Variants in IL1RAP observed in about 807,000 individuals in gnomAD.
IL1RAP encodes interleukin-1 receptor accessory protein.
In IL1RAP, 35 loss-of-function variants were observed where a neutral mutation model predicts 60.7. That is an observed-to-expected ratio of 0.58 (90% CI 0.44 to 0.76). IL1RAP has a LOEUF of 0.76. Among genes scored for constraint, IL1RAP ranks in the 30% least tolerant of loss-of-function variants. The pLI is 0.00. For missense variants in IL1RAP, 572 were observed against 693.9 expected, an observed-to-expected ratio of 0.82 and a Z score of 1.97; for synonymous variants, 268 against 250.9, an observed-to-expected ratio of 1.07 and a Z score of -0.64.
intron 1 of IL1RAP, among the ~76,000 whole-genome samples, chr3:190,522,118 A>G (rs1382232865): frequency 1.3e-5 from 2 of 152,120 alleles, no homozygotes; most frequent in African/African-American, 2.4e-5. Context: ...TTTCCCAATT[A>G]CAGAGTGAGA....
At position 190,649,937 on chromosome 3, in the gene IL1RAP, C is replaced by T. The variant is rs558079607; in HGVS notation, c.*1232C>T. On this transcript the variant is annotated 3_prime_UTR_variant, in exon 12 of 12. Transcript: ENST00000447382. ...ATATCTATGTTACATGTAGATTATA[C>T]ATATATATACACACGTGTATATGAG... 1.5e-4 allele frequency: 128 copies of T among 847,156 alleles called. No individual in the cohort carries two copies. The African/African-American group carries it at 2.2e-3, about 15-fold the overall frequency. 52.5% of individuals were successfully genotyped at this position (847,156 alleles called of 1,614,324 possible).
chr3:190,622,138 G>T (rs1370133225), intron 6 of IL1RAP, among the ~76,000 whole-genome samples: 1 of 152,224 alleles, frequency 6.6e-6, no homozygotes, highest in African/African-American at 2.4e-5. Context: ...ACAGAGAGAA[G>T]AAACAACTGA....
At chr3:190,542,082 C>T (rs974136725) in intron 1 of IL1RAP, among the ~76,000 whole-genome samples, 1 of 151,978 alleles carries the variant, frequency 6.6e-6, no homozygotes, top group South Asian at 2.1e-4. Flanking sequence ...AATAAAATAC[C>T]CTCCTAGTGA....
intron 11 of IL1RAP, among the ~76,000 whole-genome samples, chr3:190,647,898 T>G (rs970152235): frequency 6.6e-6 from 1 of 152,188 alleles, no homozygotes; most frequent in South Asian, 2.1e-4. Flanking sequence ...CCTTTTTGAG[T>G]GTCCATTGGT....
intron 3 of IL1RAP, among the ~76,000 whole-genome samples, chr3:190,600,156 G>A (rs574350861): frequency 4.6e-5 from 7 of 152,210 alleles, no homozygotes; most frequent in African/African-American, 9.6e-5. Context: ...CGTGATGCTC[G>A]TTAAACTTGA....
chr3:190,523,674 C>T (rs1722271721), intron 1 of IL1RAP, among the ~76,000 whole-genome samples: 1 of 152,144 alleles, frequency 6.6e-6, no homozygotes, highest in Admixed American at 6.5e-5. Flanking sequence ...CAGCTCTATC[C>T]ATGTTTCGGT....
At chr3:190,531,621 C>G (rs1348904295) in intron 1 of IL1RAP, among the ~76,000 whole-genome samples, 1 of 152,234 alleles carries the variant, frequency 6.6e-6, no homozygotes, top group African/African-American at 2.4e-5. Context: ...CAAGACACAG[C>G]TGAACTTACT....
rs1197385760 is a variant in IL1RAP, at chr3:190,651,172, T to TAAAAAA, written c.*2470_*2475dup. On this transcript the variant is annotated 3_prime_UTR_variant, in exon 12 of 12. Transcript: ENST00000447382. ...GAACAAACCATGTCTCAAATTTTTT[T>TAAAAAA]AAAAAAAATTAATGGTTTTAAATAT... 3,866 of 980,976 alleles carry TAAAAAA rather than the reference T, an allele frequency of 3.9e-3. 97 individuals carry two copies. In the African/African-American group the frequency reaches 0.063, roughly 16 times the overall value. 60.8% of individuals were successfully genotyped at this position (980,976 alleles called of 1,614,324 possible). A position where few individuals can be genotyped will look rare whatever the true frequency, so the allele number is the denominator to read the frequency against.
intron 5 of IL1RAP, among the ~76,000 whole-genome samples, chr3:190,616,076 TA>T (rs1475237711): frequency 1.3e-5 from 2 of 152,112 alleles, no homozygotes; most frequent in Non-Finnish European, 2.9e-5. Context: ...CATATACAGA[TA>T]ACATTTGACG....
Position 190,575,263 on chromosome 3 carries a change from C to A in IL1RAP, c.64+10910C>A, listed in dbSNP as rs556371978. Among the ~76,000 whole-genome samples, 109 of 152,258 alleles carry A rather than the reference C, an allele frequency of 7.2e-4. 1 individual carries two copies. The South Asian group carries it at 0.022, about 31-fold the overall frequency. On this transcript the variant is annotated intron_variant, in intron 3 of 11. Transcript: ENST00000447382. Reference sequence around the variant, plus strand: ...TGAAGACATTGTGCGTGTATTCATTCATTCATTCATCTGTAGTGTGTATGT... The same window carrying A: ...TGAAGACATTGTGCGTGTATTCATTAATTCATTCATCTGTAGTGTGTATGT...
chr3:190,612,553 A>T (rs908024826), intron 5 of IL1RAP, among the ~76,000 whole-genome samples: 5 of 152,026 alleles, frequency 3.3e-5, no homozygotes, highest in African/African-American at 1.2e-4. Context: ...CTGTTTATTT[A>T]TACCTGTTTC....
Position 190,564,230 on chromosome 3 carries a change from T to C in IL1RAP, c.-1-59T>C. On this transcript the variant is annotated intron_variant, in intron 2 of 11. Coordinates refer to ENST00000447382, the MANE Select transcript of IL1RAP (RefSeq NM_002182.4). ...CAGCAGGCATGAATGCTAGTTATTATTATTTAAGCCCTTGAAAGTAGTAAG... is the reference window on the plus strand; with the variant it reads ...CAGCAGGCATGAATGCTAGTTATTACTATTTAAGCCCTTGAAAGTAGTAAG... 3 of 1,046,986 alleles carry C rather than the reference T, an allele frequency of 2.9e-6. No homozygotes were observed. In the South Asian group the frequency reaches 3.8e-5, roughly 13 times the overall value. 64.9% of individuals were successfully genotyped at this position (1,046,986 alleles called of 1,614,324 possible). A position where few individuals can be genotyped will look rare whatever the true frequency, so the allele number is the denominator to read the frequency against.
At chr3:190,595,128 G>C (rs1729272230) in intron 3 of IL1RAP, among the ~76,000 whole-genome samples, 1 of 151,950 alleles carries the variant, frequency 6.6e-6, no homozygotes, top group Non-Finnish European at 1.5e-5. Context: ...CATGTCAATT[G>C]CTTATTGTCA....
At chr3:190,588,086 G>A (rs1316273200) in intron 3 of IL1RAP, among the ~76,000 whole-genome samples, 2 of 152,040 alleles carry the variant, frequency 1.3e-5, no homozygotes, top group African/African-American at 2.4e-5. Context: ...CAAAGCATAC[G>A]GAGATAAAAA....
chr3:190,577,235 G>A lies in IL1RAP; in HGVS notation c.64+12882G>A, dbSNP rs180836752. Reference sequence around the variant, plus strand: ...AATGGAATATGATGGATTCATTTATGGTAGATGTTTCTGTATAAAAACAAA... The same window carrying A: ...AATGGAATATGATGGATTCATTTATAGTAGATGTTTCTGTATAAAAACAAA... On this transcript the variant is annotated intron_variant, in intron 3 of 11. Transcript: ENST00000447382. 1.7e-3 allele frequency among the ~76,000 whole-genome samples: 264 copies of A among 151,908 alleles called. 1 individual carries two copies. The highest frequency in any genetic ancestry group is 2.9e-3 in the Non-Finnish European group (199 of 67,960).
chr3:190,635,042 A>G lies in IL1RAP; in HGVS notation c.1051+5544A>G, dbSNP rs1733114224. 2.0e-5 allele frequency among the ~76,000 whole-genome samples: 3 copies of G among 152,042 alleles called. No individual in the cohort carries two copies. In the South Asian group the frequency reaches 6.2e-4, roughly 32 times the overall value. On this transcript the variant is annotated intron_variant, in intron 9 of 11. Transcript: ENST00000447382. ...TGTTTTCTTTTTGGGAAAGCTTTTA[A>G]TTATGAATTCAGTGTCCTTTTTAGT... is the stretch of plus-strand genomic sequence containing the variant.
chr3:190,602,811 TA>T (rs892276921), intron 3 of IL1RAP, among the ~76,000 whole-genome samples: 36 of 152,174 alleles, frequency 2.4e-4, no homozygotes, highest in African/African-American at 7.9e-4. Flanking sequence ...ATTACAGAGT[TA>T]AAAAAATACA....
At chr3:190,553,115 C>A (rs969199971) in intron 1 of IL1RAP, among the ~76,000 whole-genome samples, 2 of 152,108 alleles carry the variant, frequency 1.3e-5, no homozygotes, top group Non-Finnish European at 2.9e-5. Context: ...GGATTGAATC[C>A]CGGCCATAGG....
At chr3:190,611,844 G>A (rs1051844714) in intron 5 of IL1RAP, among the ~76,000 whole-genome samples, 5 of 152,138 alleles carry the variant, frequency 3.3e-5, no homozygotes, top group Non-Finnish European at 5.9e-5. Flanking sequence ...TAGAAAAGGA[G>A]TGAGGAAGAG....
Sources: allele counts gnomAD v4.1 joint callset (sites outside exome capture counted in the v4.1 genomes callset), GRCh38; gene constraint gnomAD v4.1.1; transcripts MANE v1.5; gene names NCBI Gene and HGNC (gene_info 2026-07-23, HGNC 2026-07-21).